The following FOXP1 variants were observed in gnomAD, a reference collection of about 807,000 sequenced individuals.
FOXP1 encodes forkhead box protein P1.
FOXP1 carries 15 observed loss-of-function variants against 98.2 expected under a neutral mutation model. The ratio of observed to expected loss-of-function variants is 0.15; its 90% confidence interval spans 0.10 to 0.24. The LOEUF is 0.24. Among genes scored for constraint, FOXP1 ranks in the 10% least tolerant of loss-of-function variants. The probability of loss-of-function intolerance (pLI) is 1.00; values close to 1 mark genes in which losing one functional copy is unlikely to be tolerated. For missense variants in FOXP1, 633 were observed against 848.5 expected (o/e 0.75, Z 3.15); for synonymous variants, 371 against 314.5 (o/e 1.18, Z -1.90).
chr3:71,013,100 T>C lies in FOXP1; in HGVS notation c.974+2449A>G, dbSNP rs545405763. On this transcript the variant is annotated intron_variant, in intron 12 of 20. Coordinates refer to ENST00000649528, the MANE Select transcript of FOXP1 (RefSeq NM_001349338.3). ...GCATAGAAGCATTTCACTTCAGCTATGAGATTAATATTATTTCCTTACAGA... is the reference window on the plus strand; with the variant it reads ...GCATAGAAGCATTTCACTTCAGCTACGAGATTAATATTATTTCCTTACAGA... Among the ~76,000 whole-genome samples the C allele has an allele frequency of 5.3e-5, 8 of 152,256 alleles. No homozygotes were observed. The East Asian group carries it at 1.2e-3, about 22-fold the overall frequency.
At chr3:71,560,968 G>T (rs977209818) in intron 2 of FOXP1, among the ~76,000 whole-genome samples, 1 of 152,160 alleles carries the variant, frequency 6.6e-6, no homozygotes, top group African/African-American at 2.4e-5. Flanking sequence ...GGTTTCTTCT[G>T]TGGGACATAA....
chr3:70,995,618 AG>A (rs1245398628), intron 13 of FOXP1, among the ~76,000 whole-genome samples: 1 of 152,224 alleles, frequency 6.6e-6, no homozygotes, highest in Non-Finnish European at 1.5e-5. Flanking sequence ...CACACCTCTC[AG>A]GGTTTACACT....
intron 2 of FOXP1, among the ~76,000 whole-genome samples, chr3:71,511,885 T>A (rs1408658892): frequency 6.6e-6 from 1 of 152,226 alleles, no homozygotes; most frequent in African/African-American, 2.4e-5. Flanking sequence ...AATAATCCAA[T>A]TAGCACATCT....
intron 7 of FOXP1, among the ~76,000 whole-genome samples, chr3:71,073,946 T>G (rs772139933): frequency 6.6e-6 from 1 of 152,100 alleles, no homozygotes; most frequent in African/African-American, 2.4e-5. Flanking sequence ...CCAGAGCCAC[T>G]CATGAACAGA....
At chr3:71,331,485 G>A (rs1304484742) in intron 4 of FOXP1, among the ~76,000 whole-genome samples, 2 of 152,022 alleles carry the variant, frequency 1.3e-5, no homozygotes, top group African/African-American at 2.4e-5. Context: ...GAGTGCGGGC[G>A]CACGGCGCGG....
intron 3 of FOXP1, among the ~76,000 whole-genome samples, chr3:71,412,452 T>C (rs368999225): frequency 6.6e-6 from 1 of 152,188 alleles, no homozygotes; most frequent in African/African-American, 2.4e-5. Flanking sequence ...GTTATGACTC[T>C]GTTAAGGAGG....
At chr3:71,325,288 G>A (rs557745146) in intron 4 of FOXP1, among the ~76,000 whole-genome samples, 1 of 152,082 alleles carries the variant, frequency 6.6e-6, no homozygotes, top group South Asian at 2.1e-4. Context: ...CCTGGCCTCA[G>A]GTGATTTGCC....
intron 3 of FOXP1, among the ~76,000 whole-genome samples, chr3:71,454,496 A>G (rs2087261548): frequency 6.6e-6 from 1 of 152,120 alleles, no homozygotes; most frequent in Admixed American, 6.6e-5. Flanking sequence ...AAAACTCCAC[A>G]ATATAAATGA....
intron 3 of FOXP1, among the ~76,000 whole-genome samples, chr3:71,412,804 G>A (rs539016723): frequency 6.6e-6 from 1 of 152,130 alleles, no homozygotes; most frequent in African/African-American, 2.4e-5. Context: ...AAAACAACTC[G>A]TAATGCATAT....
chr3:71,072,856 C>G (rs2053410065), intron 7 of FOXP1, among the ~76,000 whole-genome samples: 1 of 152,112 alleles, frequency 6.6e-6, no homozygotes, highest in Non-Finnish European at 1.5e-5. Flanking sequence ...CAGATTGAAG[C>G]CACAGCTAAG....
intron 6 of FOXP1, among the ~76,000 whole-genome samples, chr3:71,176,312 A>C (rs1429715869): frequency 6.6e-6 from 1 of 152,172 alleles, no homozygotes; most frequent in Non-Finnish European, 1.5e-5. Context: ...GCTGCTTTTC[A>C]GTTGTCTATA....
intron 17 of FOXP1, among the ~76,000 whole-genome samples, chr3:70,976,224 G>GA (rs771374891): frequency 5.3e-5 from 8 of 151,244 alleles, no homozygotes; most frequent in Non-Finnish European, 1.0e-4. Flanking sequence ...CTAATTCATT[G>GA]AATTTTTTTT....
At chr3:71,331,385 G>A (rs368056364) in intron 4 of FOXP1, among the ~76,000 whole-genome samples, 21 of 72,962 alleles carry the variant, frequency 2.9e-4, no homozygotes, top group African/African-American at 5.7e-4. Context: ...CCCACCCCCC[G>A]CCATGGGCTC....
intron 11 of FOXP1, among the ~76,000 whole-genome samples, chr3:71,025,548 TA>T (rs879773939): frequency 6.6e-6 from 1 of 152,192 alleles, no homozygotes; most frequent in Non-Finnish European, 1.5e-5. Context: ...CCTCCCCAAG[TA>T]ATTGTTGCAA....
chr3:71,069,680 C>G (rs749238497), intron 7 of FOXP1, among the ~76,000 whole-genome samples: 2 of 152,118 alleles, frequency 1.3e-5, no homozygotes, highest in Admixed American at 6.5e-5. Context: ...ATTTCCCTCC[C>G]GAAGAGTGAC....
At chr3:71,317,457 A>G (rs1172613674) in intron 4 of FOXP1, among the ~76,000 whole-genome samples, 1 of 152,242 alleles carries the variant, frequency 6.6e-6, no homozygotes, top group African/African-American at 2.4e-5. Flanking sequence ...CTAAGAATTT[A>G]AGTAAATGGC....
intron 5 of FOXP1, among the ~76,000 whole-genome samples, chr3:71,293,961 A>T (rs555937361): frequency 6.6e-6 from 1 of 152,314 alleles, no homozygotes; most frequent in East Asian, 1.9e-4. Context: ...GACAGTTAAA[A>T]ATTTTAAATG....
At chr3:71,169,351 CAT>C (rs2061536681) in intron 6 of FOXP1, among the ~76,000 whole-genome samples, 1 of 152,204 alleles carries the variant, frequency 6.6e-6, no homozygotes, top group Non-Finnish European at 1.5e-5. Context: ...TAACAGATGT[CAT>C]CCAAGCCTAA....
chr3:71,199,019 T>C (rs963763469), intron 5 of FOXP1, among the ~76,000 whole-genome samples: 6 of 152,088 alleles, frequency 3.9e-5, no homozygotes, highest in Non-Finnish European at 8.8e-5. Context: ...ATCTGGTTCC[T>C]TTGCTCAAAA....
Sources: allele counts gnomAD v4.1 joint callset (sites outside exome capture counted in the v4.1 genomes callset), GRCh38; gene constraint gnomAD v4.1.1; transcripts MANE v1.5; gene names NCBI Gene and HGNC (gene_info 2026-07-23, HGNC 2026-07-21).